LUZP2: variants seen among roughly 807,000 people sequenced by gnomAD.
The protein encoded by LUZP2 is leucine zipper protein 2.
LUZP2 carries 52 observed loss-of-function variants against 51.6 expected under a neutral mutation model. That is an observed-to-expected ratio of 1.01 (90% CI 0.81 to 1.27). LUZP2 has a LOEUF of 1.27. LUZP2 is among the 50% of genes most tolerant of loss of function. The pLI, the probability that LUZP2 is intolerant of heterozygous loss-of-function variation, is 0.00. For missense variants in LUZP2, 436 were observed against 395.4 expected, an observed-to-expected ratio of 1.10 and a Z score of -0.87; for synonymous variants, 154 against 137.3, an observed-to-expected ratio of 1.12 and a Z score of -0.85.
chr11:24,597,749 C>T (rs1465437428), intron 1 of LUZP2, among the ~76,000 whole-genome samples: 3 of 152,160 alleles, frequency 2.0e-5, no homozygotes, highest in Non-Finnish European at 4.4e-5. Flanking sequence ...TATGGTATCA[C>T]ATTAGAAATC....
intron 9 of LUZP2, among the ~76,000 whole-genome samples, chr11:25,007,253 CA>C (rs1856858222): frequency 6.6e-6 from 1 of 152,122 alleles, no homozygotes; most frequent in Non-Finnish European, 1.5e-5. Context: ...TGTTATTGTA[CA>C]AATTATAGAA....
intron 10 of LUZP2, among the ~76,000 whole-genome samples, chr11:25,074,083 A>G (rs1368460215): frequency 2.0e-5 from 3 of 152,276 alleles, no homozygotes; most frequent in East Asian, 3.9e-4. Context: ...CTTTTATACT[A>G]CAACATTGGA....
Position 24,904,609 on chromosome 11 carries a change from A to G in LUZP2, c.397-1382A>G, listed in dbSNP as rs371583766. Among the ~76,000 whole-genome samples the G allele has an allele frequency of 2.7e-4, 41 of 152,142 alleles. No individual in the cohort carries two copies. In the South Asian group the frequency reaches 7.5e-3, roughly 28 times the overall value. Reference sequence around the variant, plus strand: ...ATTTTGCCAATTTTTGATAAATCATATTATTTGCTTTTTGCTTTTGATTTG... The same window carrying G: ...ATTTTGCCAATTTTTGATAAATCATGTTATTTGCTTTTTGCTTTTGATTTG... On this transcript the variant is annotated intron_variant, in intron 5 of 11. Transcript: ENST00000336930.
intron 1 of LUZP2, among the ~76,000 whole-genome samples, chr11:24,667,730 A>G (rs1490826835): frequency 1.3e-5 from 2 of 152,164 alleles, no homozygotes; most frequent in Non-Finnish European, 2.9e-5. Context: ...CAAAAATATA[A>G]AATATACCAT....
At chr11:24,537,742 G>A (rs144074374) in intron 1 of LUZP2, among the ~76,000 whole-genome samples, 1 of 151,902 alleles carries the variant, frequency 6.6e-6, no homozygotes, top group East Asian at 1.9e-4. Flanking sequence ...ATTTTTTACG[G>A]ATACCTTTTG....
chr11:24,850,386 T>A (rs1409019007), intron 5 of LUZP2, among the ~76,000 whole-genome samples: 1 of 152,226 alleles, frequency 6.6e-6, no homozygotes, highest in Non-Finnish European at 1.5e-5. Flanking sequence ...AGGGAATCCA[T>A]TCCCCATTGC....
intron 1 of LUZP2, among the ~76,000 whole-genome samples, chr11:24,622,531 G>T (rs981012845): frequency 1.3e-5 from 2 of 152,034 alleles, no homozygotes. Flanking sequence ...CTTTATTCAG[G>T]TAGATTTTTT....
intron 1 of LUZP2, among the ~76,000 whole-genome samples, chr11:24,600,213 A>ACG (rs1565018504): frequency 3.2e-5 from 4 of 123,344 alleles, no homozygotes; most frequent in African/African-American, 1.2e-4. Flanking sequence ...ACACACACAC[A>ACG]CACACGCACA....
intron 9 of LUZP2, among the ~76,000 whole-genome samples, chr11:25,018,125 G>T (rs1410946104): frequency 1.3e-5 from 2 of 149,430 alleles, no homozygotes; most frequent in Non-Finnish European, 3.0e-5. Flanking sequence ...GTGGTTGTTG[G>T]TATATGGCAT....
intron 5 of LUZP2, chr11:24,891,563 T>C (rs2133758893): frequency 1.1e-6 from 1 of 914,238 alleles, no homozygotes; most frequent in South Asian, 5.0e-5. Context: ...AGTTCACATA[T>C]GTTGTTGATT....
chr11:25,010,639 A>C (rs936159803), intron 9 of LUZP2, among the ~76,000 whole-genome samples: 1 of 152,066 alleles, frequency 6.6e-6, no homozygotes, highest in South Asian at 2.1e-4. Flanking sequence ...ACTTGAGATC[A>C]GTAGTTCAAG....
At chr11:24,917,992 G>C (rs1050235035) in intron 7 of LUZP2, among the ~76,000 whole-genome samples, 3 of 151,944 alleles carry the variant, frequency 2.0e-5, no homozygotes, top group African/African-American at 7.3e-5. Flanking sequence ...CCATTTGTTT[G>C]TGTCCTCTTT....
At chr11:24,840,645 T>C (rs1850999899) in intron 5 of LUZP2, among the ~76,000 whole-genome samples, 2 of 151,848 alleles carry the variant, frequency 1.3e-5, no homozygotes, top group Non-Finnish European at 2.9e-5. Context: ...GATGGGGGCT[T>C]AGGAATTATT....
chr11:24,861,582 G>A lies in LUZP2; in HGVS notation c.397-44409G>A, dbSNP rs112799157. On this transcript the variant is annotated intron_variant, in intron 5 of 11. Transcript: ENST00000336930. ...GGTCCGTCCCACACACCCGGGCTGA[G>A]CAACAGATGAAAGGAGTACTCAGAC... 5.1e-3 allele frequency among the ~76,000 whole-genome samples: 775 copies of A among 152,248 alleles called. 8 individuals carry two copies. Among genetic ancestry groups the A allele is most frequent in the African/African-American group, 0.018 (729 of 41,552 alleles).
intron 1 of LUZP2, among the ~76,000 whole-genome samples, chr11:24,546,448 T>A (rs1415109484): frequency 1.3e-5 from 2 of 151,956 alleles, no homozygotes; most frequent in East Asian, 1.9e-4. Flanking sequence ...TATTTTGAAA[T>A]GTGTTCCCTA....
rs146635071 is a variant in LUZP2, at chr11:24,516,525, G to A, written c.62+19220G>A. Among the ~76,000 whole-genome samples the A allele has an allele frequency of 2.1e-3, 326 of 152,294 alleles. 2 individuals carry two copies. Among genetic ancestry groups the A allele is most frequent in the African/African-American group, 7.3e-3 (305 of 41,564 alleles). On this transcript the variant is annotated intron_variant, in intron 1 of 11. Transcript: ENST00000336930. ...TTTTCTACACAAGGCTGATTTATGA[G>A]TAACAACATTTTAATTGGTTAAAGT...
At chr11:24,648,419 A>C (rs1370553959) in intron 1 of LUZP2, among the ~76,000 whole-genome samples, 1 of 151,902 alleles carries the variant, frequency 6.6e-6, no homozygotes, top group African/African-American at 2.4e-5. Context: ...TTTGTTGCAA[A>C]ATTCAGCTGC....
At chr11:24,663,703 T>A (rs1390203094) in intron 1 of LUZP2, among the ~76,000 whole-genome samples, 1 of 152,114 alleles carries the variant, frequency 6.6e-6, no homozygotes. Context: ...GTTCCCATAA[T>A]CCCCATGCAT....
chr11:24,800,867 A>T (rs1271736910), intron 5 of LUZP2, among the ~76,000 whole-genome samples: 1 of 152,110 alleles, frequency 6.6e-6, no homozygotes, highest in African/African-American at 2.4e-5. Context: ...TTTCATTGTA[A>T]CCTATTTTAT....
Sources: gnomAD v4.1 joint callset for allele counts (sites outside exome capture counted in the v4.1 genomes callset) on GRCh38, gnomAD v4.1.1 for gene constraint, MANE v1.5 for transcripts, NCBI Gene and HGNC (gene_info 2026-07-23, HGNC 2026-07-21) for gene names.